Variants in PRPF18 observed in about 807,000 individuals in gnomAD.
PRPF18 encodes the protein pre-mRNA processing factor 18, also known as pre-mRNA-splicing factor 18.
Under a neutral mutation model 46.5 loss-of-function variants are expected in PRPF18, and 38 were observed. The observed-to-expected ratio is 0.82, with a 90% confidence interval of 0.63 to 1.07. The LOEUF (loss-of-function observed/expected upper bound fraction) is 1.07. Ranked by LOEUF, PRPF18 falls within the 50% of genes least tolerant of loss-of-function variation. The pLI, the probability that PRPF18 is intolerant of heterozygous loss-of-function variation, is 0.00. For missense variants in PRPF18, 263 were observed against 410.0 expected (o/e 0.64, Z 3.10); for synonymous variants, 152 against 146.7 (o/e 1.04, Z -0.26).
At chr10:13,610,277 C>A in intron 5 of PRPF18, 92 bp downstream of exon 5, 2 of 1,358,922 alleles carry the variant, frequency 1.5e-6, no homozygotes, top group South Asian at 1.6e-5. Context: ...GAGGGCAGAG[C>A]ACACTGTTGT....
rs189817558 is a variant in PRPF18, at chr10:13,604,971, T to G, written c.250-660T>G. ...AAAGAATTTTTTAAAAATCTCACAG[T>G]AAAAGAGGTGGTTTATATTAGGGTC... On this transcript the variant is annotated intron_variant, in intron 3 of 9. Coordinates refer to ENST00000378572, the MANE Select transcript of PRPF18 (RefSeq NM_003675.4). Among the ~76,000 whole-genome samples the G allele has an allele frequency of 6.0e-3, 911 of 152,300 alleles. 5 individuals carry two copies. The highest frequency in any genetic ancestry group is 0.02 in the African/African-American group (818 of 41,570).
intron 2 of PRPF18, among the ~76,000 whole-genome samples, chr10:13,597,839 T>C (rs555170692): frequency 1.9e-4 from 29 of 152,030 alleles, no homozygotes; most frequent in Non-Finnish European, 1.9e-4. Flanking sequence ...TGAGACTGCG[T>C]TATTTTCAGC....
intron 9 of PRPF18, among the ~76,000 whole-genome samples, chr10:13,620,015 G>T (rs2080400167): frequency 6.6e-6 from 1 of 151,878 alleles, no homozygotes; most frequent in Admixed American, 6.6e-5. Context: ...AAAATTCTTG[G>T]TTACAATTTA....
rs532131542 is a variant in PRPF18 at position 13,622,486 on chromosome 10, C to A, written c.948+5933C>A. ...CTCTATTGTGAAAACCTGGTACTCA[C>A]GTAAATGAAATCTTCCCTCAAATTA... On this transcript the variant is annotated intron_variant, in intron 9 of 9. Coordinates refer to ENST00000378572, the MANE Select transcript of PRPF18 (RefSeq NM_003675.4). 7.9e-5 allele frequency among the ~76,000 whole-genome samples: 12 copies of A among 152,292 alleles called. No individual in the cohort carries two copies. The East Asian group carries it at 1.9e-3, about 24-fold the overall frequency.
chr10:13,636,939 A>T, the PRPF18 span: 1 of 152,230 alleles, frequency 6.6e-6, no homozygotes, highest in African/African-American at 2.4e-5. Flanking sequence ...CCTGTGTTTA[A>T]CAATTTGCCT....
At chr10:13,609,696 G>A (rs1452103939) in intron 4 of PRPF18, among the ~76,000 whole-genome samples, 1 of 152,132 alleles carries the variant, frequency 6.6e-6, no homozygotes, top group Non-Finnish European at 1.5e-5. Flanking sequence ...ACGGGTTGGG[G>A]ACTCTAATGG....
the PRPF18 span, chr10:13,654,002 C>T: frequency 1.6e-5 from 5 of 308,040 alleles, no homozygotes; most frequent in Non-Finnish European, 2.9e-5. Flanking sequence ...TCCTAAGACA[C>T]TGGCTGTTTC....
At chr10:13,596,138 C>T (rs1176381569) in intron 1 of PRPF18, among the ~76,000 whole-genome samples, 1 of 152,148 alleles carries the variant, frequency 6.6e-6, no homozygotes, top group Non-Finnish European at 1.5e-5. Flanking sequence ...TAATGAAGAA[C>T]GTTGTCATTT....
At chr10:13,651,812 G>A in the PRPF18 span, 1 of 765,346 alleles carries the variant, frequency 1.3e-6, no homozygotes, top group South Asian at 1.4e-5. Flanking sequence ...GCATTCAGAT[G>A]TATCCTTGTG....
chr10:13,640,832 G>A, the PRPF18 span: 1 of 152,674 alleles, frequency 6.5e-6, no homozygotes, highest in African/African-American at 2.4e-5. Context: ...TAGCTGCCCT[G>A]GAGGAAATTC....
intron 1 of PRPF18, among the ~76,000 whole-genome samples, chr10:13,588,609 T>C (rs1312883422): frequency 6.6e-6 from 1 of 152,018 alleles, no homozygotes; most frequent in East Asian, 1.9e-4. Flanking sequence ...TAAAATTCCT[T>C]TCTAATAGTA....
chr10:13,602,922 G>T (rs546540926), intron 3 of PRPF18, among the ~76,000 whole-genome samples: 2 of 152,172 alleles, frequency 1.3e-5, no homozygotes, highest in Admixed American at 6.6e-5. Context: ...TAGTAGAAAC[G>T]AGGTTTTGCC....
At chr10:13,638,472 G>A in the PRPF18 span, among the ~76,000 whole-genome samples, 1 of 151,998 alleles carries the variant, frequency 6.6e-6, no homozygotes, top group African/African-American at 2.4e-5. Flanking sequence ...AGTTATGGAG[G>A]CTAAGTCCAG....
chr10:13,643,712 C>T, the PRPF18 span: 2 of 152,638 alleles, frequency 1.3e-5, no homozygotes, highest in Admixed American at 1.3e-4. Context: ...GGGATCTTTT[C>T]ATTTTGAAAA....
chr10:13,611,938 G>A (rs370773183), intron 6 of PRPF18, among the ~76,000 whole-genome samples: 2 of 150,596 alleles, frequency 1.3e-5, no homozygotes, highest in East Asian at 3.9e-4. Context: ...GGGGTGCAGT[G>A]GTGTAATCTC....
At chr10:13,623,120 G>C (rs953046758) in intron 9 of PRPF18, among the ~76,000 whole-genome samples, 1 of 152,122 alleles carries the variant, frequency 6.6e-6, no homozygotes, top group African/African-American at 2.4e-5. Flanking sequence ...AGAATGGCAT[G>C]AACCCTGGAG....
chr10:13,627,713 G>T (rs897771186), intron 9 of PRPF18, among the ~76,000 whole-genome samples: 6 of 152,182 alleles, frequency 3.9e-5, no homozygotes, highest in African/African-American at 1.4e-4. Flanking sequence ...ATTTCAGGGA[G>T]AACACTAGTA....
intron 4 of PRPF18, among the ~76,000 whole-genome samples, chr10:13,606,604 G>A (rs147243036): frequency 0.011 from 1,686 of 151,986 alleles, 32 homozygotes; most frequent in African/African-American, 0.039. Context: ...GCGTAGTGGC[G>A]TGTGCCTGTA....
At chr10:13,633,427 C>A (rs1440252389), downstream of PRPF18, among the ~76,000 whole-genome samples, 1 of 152,164 alleles carries the variant, frequency 6.6e-6, no homozygotes, top group Non-Finnish European at 1.5e-5. Flanking sequence ...GAAATGCAAC[C>A]ACCTTTTTGT....
Sources: allele counts gnomAD v4.1 joint callset (sites outside exome capture counted in the v4.1 genomes callset), GRCh38; gene constraint gnomAD v4.1.1; transcripts MANE v1.5; gene names NCBI Gene and HGNC (gene_info 2026-07-23, HGNC 2026-07-21).